NPSR1: variants seen among roughly 807,000 people sequenced by gnomAD.
NPSR1 encodes neuropeptide S receptor.
A neutral mutation model predicts 46.9 loss-of-function variants in NPSR1; 48 were observed. The observed-to-expected ratio is 1.02, with a 90% CI of 0.81 to 1.30. NPSR1 has a LOEUF of 1.30. Ranked by LOEUF, NPSR1 falls within the 50% of genes most tolerant of loss-of-function variation. The pLI is 0.00. For missense variants in NPSR1, 450 were observed against 449.5 expected, an observed-to-expected ratio of 1.00 and a Z score of -0.01; for synonymous variants, 176 against 168.1, an observed-to-expected ratio of 1.05 and a Z score of -0.36.
chr7:34,663,682 G>A (rs368990865), intron 1 of NPSR1, among the ~76,000 whole-genome samples: 11 of 152,120 alleles, frequency 7.2e-5, no homozygotes, highest in East Asian at 5.8e-4. Flanking sequence ...CCACTGCTGC[G>A]CCATCAAACT....
At chr7:34,833,100 C>T (rs77775636) in intron 5 of NPSR1, among the ~76,000 whole-genome samples, 3,043 of 152,224 alleles carry the variant, frequency 0.02, 88 homozygotes, top group African/African-American at 0.067. Context: ...TTAACATTGC[C>T]ATTAATTAAG....
At chr7:34,681,573 C>A (rs1356389862) in intron 1 of NPSR1, among the ~76,000 whole-genome samples, 1 of 152,216 alleles carries the variant, frequency 6.6e-6, no homozygotes, top group Non-Finnish European at 1.5e-5. Flanking sequence ...TGCTGAAACA[C>A]TTCCTCAGCC....
chr7:34,811,697 G>A, intron 3 of NPSR1, 73 bp from the exon 4 acceptor site: 1 of 1,001,536 alleles, frequency 1.0e-6, no homozygotes, highest in Non-Finnish European at 1.5e-6. Context: ...ATAACACAAG[G>A]TGCTATTCTT....
intron 1 of NPSR1, among the ~76,000 whole-genome samples, chr7:34,668,362 A>G (rs776916142): frequency 6.6e-6 from 1 of 152,232 alleles, no homozygotes; most frequent in Non-Finnish European, 1.5e-5. Flanking sequence ...CTAAGAATAC[A>G]TTTATTCCTT....
chr7:34,870,535 C>A (rs1013776144), intron 8 of NPSR1, among the ~76,000 whole-genome samples: 9 of 151,658 alleles, frequency 5.9e-5, no homozygotes, highest in Non-Finnish European at 1.2e-4. Flanking sequence ...TTATTCCATA[C>A]CTACAAGATA....
chr7:34,824,963 G>A (rs1210606737), intron 4 of NPSR1, among the ~76,000 whole-genome samples: 6 of 151,556 alleles, frequency 4.0e-5, no homozygotes, highest in East Asian at 3.9e-4. Context: ...TTCTCTCCAC[G>A]CCTGGTTTTT....
intron 6 of NPSR1, among the ~76,000 whole-genome samples, chr7:34,842,340 G>GTTTCTCACC (rs1323420339): frequency 6.6e-6 from 1 of 152,132 alleles, no homozygotes; most frequent in Non-Finnish European, 1.5e-5. Flanking sequence ...AGAAATCAAG[G>GTTTCTCACC]TTTCTCACCT....
At position 34,842,195 on chromosome 7, in the gene NPSR1, A is replaced by G. The variant is rs140272600; in HGVS notation, c.758-2701A>G. 3.4e-3 allele frequency among the ~76,000 whole-genome samples: 515 copies of G among 152,332 alleles called. 4 individuals are homozygous for G. The highest frequency in any genetic ancestry group is 0.012 in the Admixed American group (176 of 15,302). On this transcript the variant is annotated intron_variant, in intron 6 of 8. Transcript: ENST00000360581. ...TGTGAGTTAGGTGTTCTACACCTCA[A>G]TTTTTAAATGGGAGAACTGAAGCCG...
intron 2 of NPSR1, among the ~76,000 whole-genome samples, chr7:34,732,456 G>A (rs1439690334): frequency 2.0e-5 from 3 of 152,102 alleles, no homozygotes; most frequent in African/African-American, 4.8e-5. Flanking sequence ...GGCACCAGAG[G>A]GTATGATTTT....
At chr7:34,725,234 A>G (rs938496803) in intron 2 of NPSR1, among the ~76,000 whole-genome samples, 3 of 152,154 alleles carry the variant, frequency 2.0e-5, no homozygotes, top group African/African-American at 2.4e-5. Context: ...ATATTCCAAG[A>G]AGGGAAAATA....
At chr7:34,658,980 A>G (rs1201957356) in intron 1 of NPSR1, among the ~76,000 whole-genome samples, 1 of 152,212 alleles carries the variant, frequency 6.6e-6, no homozygotes, top group African/African-American at 2.4e-5. Context: ...ACAGTGACTG[A>G]TATGATGAGA....
intron 8 of NPSR1, among the ~76,000 whole-genome samples, chr7:34,877,828 A>G (rs28576287): frequency 0.065 from 9,893 of 152,266 alleles, 453 homozygotes; most frequent in Middle Eastern, 0.17. Flanking sequence ...TCACTTCAAA[A>G]CAGACACCCA....
chr7:34,856,459 A>G (rs1368647001), intron 8 of NPSR1, among the ~76,000 whole-genome samples: 1 of 151,806 alleles, frequency 6.6e-6, no homozygotes, highest in East Asian at 1.9e-4. Flanking sequence ...GAGAAAAAGC[A>G]TAAAATTTAT....
At chr7:34,821,128 T>C (rs1229570365) in intron 4 of NPSR1, among the ~76,000 whole-genome samples, 1 of 66,354 alleles carries the variant, frequency 1.5e-5, no homozygotes, top group Non-Finnish European at 3.3e-5. Context: ...TGTGATACAC[T>C]TTTTTTTTTT....
Position 34,774,988 on chromosome 7 carries a change from G to T in NPSR1, c.281-3474G>T, listed in dbSNP as rs80249527. ...ACTTGAAAATGCAGTGGTGGGAGTGGTATTCTAGCAGACTTTCACTACTGA... is the reference window on the plus strand; with the variant it reads ...ACTTGAAAATGCAGTGGTGGGAGTGTTATTCTAGCAGACTTTCACTACTGA... On this transcript the variant is annotated intron_variant, in intron 2 of 8. Transcript: ENST00000360581. 5.2e-3 allele frequency among the ~76,000 whole-genome samples: 788 copies of T among 152,264 alleles called. 3 individuals are homozygous for T. Among genetic ancestry groups the T allele is most frequent in the Non-Finnish European group, 8.0e-3 (544 of 68,010 alleles).
chr7:34,706,549 T>C (rs1430249208), intron 2 of NPSR1, among the ~76,000 whole-genome samples: 1 of 152,150 alleles, frequency 6.6e-6, no homozygotes, highest in East Asian at 1.9e-4. Context: ...GCTTTGTCTA[T>C]GAAAAGTTTT....
chr7:34,844,409 C>T (rs994212122), intron 6 of NPSR1, among the ~76,000 whole-genome samples: 1 of 152,098 alleles, frequency 6.6e-6, no homozygotes, highest in Non-Finnish European at 1.5e-5. Flanking sequence ...AGTTCTGATA[C>T]CCCTGGCTTG....
At chr7:34,751,922 C>T in intron 2 of NPSR1, 3 of 1,405,582 alleles carry the variant, frequency 2.1e-6, no homozygotes, top group Non-Finnish European at 3.0e-6. Flanking sequence ...ACTCAAACAA[C>T]TTGTGTTCCT....
At chr7:34,686,200 A>G (rs1792922117) in intron 2 of NPSR1, 1 of 150,684 alleles carries the variant, frequency 6.6e-6, no homozygotes, top group African/African-American at 2.5e-5. Flanking sequence ...CTAATTCATC[A>G]TCGTTGTATT....
Sources: allele counts gnomAD v4.1 joint callset (sites outside exome capture counted in the v4.1 genomes callset), GRCh38; gene constraint gnomAD v4.1.1; transcripts MANE v1.5; gene names NCBI Gene and HGNC (gene_info 2026-07-23, HGNC 2026-07-21).